The following TBC1D9B variants were observed in gnomAD, a reference collection of about 807,000 sequenced individuals.
TBC1D9B encodes the protein TBC1 domain family member 9B, also known as TBC1 domain family, member 9B (with GRAM domain).
TBC1D9B carries 87 observed loss-of-function variants against 121.1 expected under a neutral mutation model. The observed-to-expected ratio is 0.72, with a 90% CI of 0.60 to 0.86. TBC1D9B has a LOEUF of 0.86. TBC1D9B is among the 40% of genes least tolerant of loss of function. TBC1D9B has a pLI of 0.00. For synonymous variants in TBC1D9B, 668 were observed against 670.1 expected (o/e 1.00, Z 0.05); for missense variants, 1,540 against 1,628.6 (o/e 0.95, Z 0.94).
chr5:179,879,526 C>T, intron 8 of TBC1D9B, 102 bp downstream of exon 8: 1 of 1,572,148 alleles, frequency 6.4e-7, no homozygotes, highest in South Asian at 1.1e-5. Flanking sequence ...CAGCGGTCAG[C>T]CCAGGGCCCT....
intron 17 of TBC1D9B, chr5:179,868,639 C>T (rs990240990): frequency 1.3e-5 from 2 of 152,286 alleles, no homozygotes. Context: ...GCACAGGCAA[C>T]TTGCTGCTCT....
At position 179,893,443 on chromosome 5, in the gene TBC1D9B, T is replaced by A. The variant is rs1219226843; in HGVS notation, c.602A>T (p.Asp201Val). The change falls in exon 5 of 21, where the codon GAC becomes GTC. Residue 201 changes from aspartate to valine, a missense_variant. Asp to Val is a radical substitution (Grantham distance 152, BLOSUM62 -3). Transcript: ENST00000355235. ...KEVSLVVQWVDITRLEKNATL... is the reference protein window; with the variant it reads ...KEVSLVVQWVVITRLEKNATL... ...GGCGTTCTTCTCCAGACGCGTTATG[T>A]CCACCCACTGCACCACGAGGCTCAC... 6.2e-7 allele frequency: 1 copy of A among 1,609,768 alleles called. No homozygotes were observed. Among genetic ancestry groups the A allele is most frequent in the Non-Finnish European group, 8.5e-7 (1 of 1,176,940 alleles).
chr5:179,864,631 A>AC (rs1759953397), intron 20 of TBC1D9B, among the ~76,000 whole-genome samples: 2 of 152,126 alleles, frequency 1.3e-5, no homozygotes, highest in African/African-American at 4.8e-5. Flanking sequence ...TCCTGAAGCC[A>AC]CACGTCTAGG....
chr5:179,879,395 G>T, intron 8 of TBC1D9B, 198 bp from the exon 9 acceptor site: 1 of 1,048,022 alleles, frequency 9.5e-7, no homozygotes, highest in Non-Finnish European at 1.4e-6. Context: ...CAGCGGGAGG[G>T]CCCTTCCCTT....
intron 1 of TBC1D9B, among the ~76,000 whole-genome samples, chr5:179,906,788 G>GA: frequency 6.6e-6 from 1 of 152,224 alleles, no homozygotes; most frequent in Non-Finnish European, 1.5e-5. Context: ...TGCTCACACT[G>GA]AAAATCAGGA....
intron 7 of TBC1D9B, 29 bp downstream of exon 7, chr5:179,888,074 G>C: frequency 3.1e-6 from 5 of 1,612,072 alleles, no homozygotes; most frequent in African/African-American, 1.3e-5. Flanking sequence ...GGCCCAACTC[G>C]ACCCTGCTGC....
chr5:179,894,241 G>C (rs1760954304), intron 4 of TBC1D9B, 145 bp downstream of exon 4: 1 of 770,278 alleles, frequency 1.3e-6, no homozygotes, highest in Non-Finnish European at 2.1e-6. Flanking sequence ...GCCAAGGCCG[G>C]ACAGTCCCAT....
intron 6 of TBC1D9B, among the ~76,000 whole-genome samples, chr5:179,889,871 C>CAA (rs397883158): frequency 0.025 from 1,211 of 48,796 alleles, 56 homozygotes; most frequent in African/African-American, 0.093. Context: ...GACCCTGTCT[C>CAA]AAAAAAAAAA....
In TBC1D9B at chr5:179,865,858, C is replaced by T; in HGVS notation, c.2894G>A (p.Ser965Asn). 4.3e-6 allele frequency: 7 copies of T among 1,612,098 alleles called. No individual in the cohort carries two copies. Among genetic ancestry groups the T allele is most frequent in the Non-Finnish European group, 5.1e-6 (6 of 1,178,876 alleles). ...EALPQEEQEG[S>N]GSEERGEEKG... ...TGTACCTCCTCTCTCCTCACTTCCA[C>T]TTCCTTCTTGCTCTTCCTGTGGTAG... Residue 965 changes from serine (S) to asparagine (N), a missense_variant, in exon 19 of 21, where the codon AGT (serine) becomes AAT (asparagine). Physicochemically the swap from Ser to Asn is conservative, Grantham distance 46. Coordinates refer to ENST00000355235, the MANE Select transcript of TBC1D9B (RefSeq NM_015043.4). This position sits in a 1 kb window ranked among gnomAD's most constrained non-coding sequence, Gnocchi z 5.1.
chr5:179,870,670 C>G (rs1205862753), intron 15 of TBC1D9B, 175 bp from the exon 16 acceptor site: 12 of 991,614 alleles, frequency 1.2e-5, no homozygotes, highest in Admixed American at 2.9e-5. Flanking sequence ...GTCATCAGCC[C>G]CTTGTTAACA....
rs762340501 is a variant in TBC1D9B at position 179,870,303 on chromosome 5, C to T, written c.2677G>A (p.Glu893Lys). The T allele has an allele frequency of 3.3e-5, 53 of 1,613,876 alleles. No homozygotes were observed. The highest frequency in any genetic ancestry group is 6.6e-5 in the South Asian group (6 of 91,080). Residue 893 changes from glutamate (E) to lysine (K), a missense_variant, in exon 16 of 21, where the codon GAA becomes AAA. Coordinates refer to ENST00000355235, the MANE Select transcript of TBC1D9B (RefSeq NM_015043.4). ...LAGRMFRLLD[E>K]NKDSLINFKE... ...AAGTTGATCAGCGAGTCCTTGTTTTCGTCCAGGAGCCTGAACATGCGCCCT... is the reference window on the plus strand; with the variant it reads ...AAGTTGATCAGCGAGTCCTTGTTTTTGTCCAGGAGCCTGAACATGCGCCCT...
chr5:179,866,042 G>T, intron 18 of TBC1D9B, 154 bp from the exon 19 acceptor site: 1 of 795,020 alleles, frequency 1.3e-6, no homozygotes, highest in Non-Finnish European at 2.1e-6. Context: ...CTCCTGCCTG[G>T]CCCGCCCAGC....
chr5:179,903,802 T>C (rs971777133), intron 2 of TBC1D9B, among the ~76,000 whole-genome samples: 1 of 152,052 alleles, frequency 6.6e-6, no homozygotes, highest in Non-Finnish European at 1.5e-5. Context: ...AGCCAAGTCA[T>C]CAGCAACGAG....
intron 3 of TBC1D9B, among the ~76,000 whole-genome samples, chr5:179,896,651 T>C (rs571958716): frequency 1.9e-4 from 29 of 151,988 alleles, no homozygotes; most frequent in African/African-American, 6.8e-4. Context: ...GCCTCCCAAA[T>C]AGGTGGGATT....
chr5:179,906,601 C>G (rs960989072), intron 1 of TBC1D9B, among the ~76,000 whole-genome samples: 1 of 152,162 alleles, frequency 6.6e-6, no homozygotes, highest in African/African-American at 2.4e-5. Context: ...CAGGGGCTGC[C>G]GACTGAACAG....
Position 179,862,516 on chromosome 5 carries a change from T to C in TBC1D9B, c.*932A>G, listed in dbSNP as rs1349029803. 2.2e-6 allele frequency: 1 copy of C among 454,938 alleles called. No individual in the cohort carries two copies. Among genetic ancestry groups the C allele is most frequent in the East Asian group, 7.0e-5 (1 of 14,360 alleles). 28.2% of individuals were successfully genotyped at this position (454,938 alleles called of 1,614,324 possible). On this transcript the variant is annotated 3_prime_UTR_variant, in exon 21 of 21. Coordinates refer to ENST00000355235, the MANE Select transcript of TBC1D9B (RefSeq NM_015043.4). Reference sequence around the variant, plus strand: ...CCCTGCCCATGAAGACCTGTGGAGCTCAGGGCATCCCCTGATGCAGGTTGG... The same window carrying C: ...CCCTGCCCATGAAGACCTGTGGAGCCCAGGGCATCCCCTGATGCAGGTTGG...
Position 179,873,253 on chromosome 5 carries a change from A to G in TBC1D9B, c.2187-5T>C, listed in dbSNP as rs773925908. 6 of 1,600,534 alleles carry G rather than the reference A, an allele frequency of 3.7e-6. No individual in the cohort carries two copies. The African/African-American group carries it at 8.0e-5, about 21-fold the overall frequency. The stretch of plus-strand genomic sequence containing the variant: ...TTGACCACATTATCCAGGTATCTGC[A>G]AAGGACAGAGGACAACAGTCCAGAC... On this transcript the variant is annotated splice_region_variant and splice_polypyrimidine_tract_variant and intron_variant, in intron 12 of 20. Coordinates refer to ENST00000355235, the MANE Select transcript of TBC1D9B (RefSeq NM_015043.4).
At chr5:179,867,510 AGAG>A (rs923054184) in intron 18 of TBC1D9B, 7 of 1,558,720 alleles carry the variant, frequency 4.5e-6, no homozygotes, top group Non-Finnish European at 6.1e-6. Flanking sequence ...AAGGGACAGC[AGAG>A]GAGAGGCAGA....
Position 179,873,181 on chromosome 5 carries a change from T to C in TBC1D9B, c.2254A>G (p.Ser752Gly), listed in dbSNP as rs1239713699. The change falls in exon 13 of 21, where the codon AGC becomes GGC. Residue 752 changes from serine to glycine, a missense_variant. Ser to Gly is a moderately conservative substitution (Grantham distance 56, BLOSUM62 0). Transcript: ENST00000355235. ...TCTGCAGGGGGGTCATCGCTGCTGCTCAGCAAGGCACGGAGGTGCGGGATA... is the reference window on the plus strand; with the variant it reads ...TCTGCAGGGGGGTCATCGCTGCTGCCCAGCAAGGCACGGAGGTGCGGGATA... ...PPIPHLRALL[S>G]SSDDPPAEVD... is the part of the protein sequence containing the mutation. 2 of 1,613,394 alleles carry C rather than the reference T, an allele frequency of 1.2e-6. No homozygotes were observed. The highest frequency in any genetic ancestry group is 3.3e-5 in the Admixed American group (2 of 59,952).
Sources: gnomAD v4.1 joint callset for allele counts (sites outside exome capture counted in the v4.1 genomes callset) on GRCh38, gnomAD v4.1.1 for gene constraint, Gnocchi (gnomAD v3.1) non-coding constraint, MANE v1.5 for transcripts, NCBI Gene and HGNC (gene_info 2026-07-23, HGNC 2026-07-21) for gene names.